The following MEGF8 variants were observed in gnomAD, a reference collection of about 807,000 sequenced individuals.
MEGF8 encodes the protein multiple EGF like domains 8, also known as multiple epidermal growth factor-like domains protein 8.
Under a neutral mutation model 302.9 loss-of-function variants are expected in MEGF8, and 156 were observed. The observed-to-expected ratio is 0.52, with a 90% CI of 0.45 to 0.59. The LOEUF is 0.59. Among genes scored for constraint, MEGF8 ranks in the 20% least tolerant of loss-of-function variants. MEGF8 has a pLI of 0.00. For missense variants in MEGF8, 3,345 were observed against 3,964.5 expected, an observed-to-expected ratio of 0.84 and a Z score of 4.20; for synonymous variants, 1,621 against 1,660.5, an observed-to-expected ratio of 0.98 and a Z score of 0.58.
intron 41 of MEGF8, among the ~76,000 whole-genome samples, chr19:42,374,393 C>T (rs1241258815): frequency 6.6e-6 from 1 of 151,432 alleles, no homozygotes; most frequent in Non-Finnish European, 1.5e-5. Flanking sequence ...ATCGCTTGAA[C>T]CCGGGAGGCA....
In MEGF8 at chr19:42,362,179, G is replaced by A. The variant is rs745553573; in HGVS notation, c.5810G>A (p.Arg1937His). The stretch of plus-strand genomic sequence containing the variant: ...CGGACCTGCAGTGAGTGCCTGGCCC[G>A]CCATCCTCGGACCCTGCAACCTGGA... ...RLRTCSECLA[R>H]HPRTLQPGDG... Residue 1937 changes from arginine to histidine, a missense_variant, in exon 33 of 42, where the codon CGC becomes CAC. Transcript: ENST00000251268. 3.4e-5 allele frequency: 54 copies of A among 1,609,772 alleles called. No homozygotes were observed. Among genetic ancestry groups the A allele is most frequent in the Admixed American group, 1.0e-4 (6 of 59,426 alleles).
Position 42,354,127 on chromosome 19 carries a change from T to G in MEGF8, c.4011+103T>G, listed in dbSNP as rs1027287740. On this transcript the variant is annotated intron_variant, in intron 22 of 41. Coordinates refer to ENST00000251268, the MANE Select transcript of MEGF8 (RefSeq NM_001271938.2). This position sits in a 1 kb window ranked among gnomAD's most constrained non-coding sequence, Gnocchi z 4.3. ...TGACCCTAGTATTGCTGTTTTTTTT[T>G]TTTTGTTTTTTTAATCCTTCAAAAC... 14 of 1,394,750 alleles carry G rather than the reference T, an allele frequency of 1.0e-5. No homozygotes were observed. Among genetic ancestry groups the G allele is most frequent in the Admixed American group, 2.8e-5 (1 of 35,748 alleles). 86.4% of individuals were successfully genotyped at this position (1,394,750 alleles called of 1,614,324 possible).
rs1420506666 is a variant in MEGF8 at position 42,378,660 on chromosome 19, C to T, written c.*1885C>T. The stretch of plus-strand genomic sequence containing the variant: ...TTTGCATCTTCCCTTCGCGTGGAGC[C>T]TCAGTGTGAGAGGCCCTAGCCAATG... On this transcript the variant is annotated 3_prime_UTR_variant, in exon 42 of 42. Coordinates refer to ENST00000251268, the MANE Select transcript of MEGF8 (RefSeq NM_001271938.2). The T allele has an allele frequency of 7.0e-6, 1 of 142,990 alleles. No individual in the cohort carries two copies. Among genetic ancestry groups the T allele is most frequent in the Non-Finnish European group, 1.6e-5 (1 of 63,472 alleles). 8.9% of individuals were successfully genotyped at this position (142,990 alleles called of 1,614,324 possible).
intron 31 of MEGF8, among the ~76,000 whole-genome samples, chr19:42,359,737 T>G (rs1412758216): frequency 6.6e-6 from 1 of 152,162 alleles, no homozygotes; most frequent in African/African-American, 2.4e-5. Flanking sequence ...TAGGCTGGAG[T>G]GCAGTGATGC....
rs1213663017 is a variant in MEGF8 at position 42,336,800 on chromosome 19, T to C, written c.1245-7T>C. ...CCTGAGCCCCTGCCCTGCTTCTCCT[T>C]CGGTAGGTTCTCTGTGCGAGTGAAC... is the stretch of plus-strand genomic sequence containing the variant. On this transcript the variant is annotated splice_polypyrimidine_tract_variant and splice_region_variant and intron_variant, in intron 6 of 41. Transcript: ENST00000251268. This position sits in a 1 kb window ranked among gnomAD's most constrained non-coding sequence, Gnocchi z 4.8. The C allele has an allele frequency of 6.3e-7, 1 of 1,574,950 alleles. No individual in the cohort carries two copies. The highest frequency in any genetic ancestry group is 1.4e-5 in the African/African-American group (1 of 73,012).
chr19:42,348,197 C>A, intron 12 of MEGF8, 75 bp from the exon 13 acceptor site: 1 of 1,351,276 alleles, frequency 7.4e-7, no homozygotes, highest in Non-Finnish European at 9.9e-7. Context: ...TTGGGTTGAC[C>A]AGTCTTTTCT....
In MEGF8 at chr19:42,354,522, C is replaced by G. The variant is rs1286000034; in HGVS notation, c.4012-66C>G. 17 of 1,545,550 alleles carry G rather than the reference C, an allele frequency of 1.1e-5. No individual in the cohort carries two copies. The highest frequency in any genetic ancestry group is 1.4e-5 in the Non-Finnish European group (16 of 1,140,598). ...GCCCTCCCCTCTTGAACCCCTCCTC[C>G]TCCCAGACCCCAGGTGTCGTTCTCA... On this transcript the variant is annotated intron_variant, in intron 22 of 41. Transcript: ENST00000251268. The surrounding 1 kb of genome is among the most constrained non-coding windows in gnomAD (Gnocchi z 4.3).
intron 1 of MEGF8, 117 bp downstream of exon 1, chr19:42,326,547 G>C (rs2038986380): frequency 4.9e-6 from 7 of 1,415,644 alleles, no homozygotes; most frequent in Non-Finnish European, 6.4e-6. Flanking sequence ...GCTCTAAAAT[G>C]CCTGACACCC....
chr19:42,364,160 T>G (rs1031095430), intron 35 of MEGF8, among the ~76,000 whole-genome samples: 1 of 152,114 alleles, frequency 6.6e-6, no homozygotes, highest in African/African-American at 2.4e-5. Flanking sequence ...TAGGCAGGCA[T>G]GTGTGTACCC....
chr19:42,362,339 A>T (rs1277449939), intron 33 of MEGF8, 45 bp from the exon 34 acceptor site: 1 of 1,612,680 alleles, frequency 6.2e-7, no homozygotes, highest in South Asian at 1.1e-5. Flanking sequence ...CAGCTGGCTC[A>T]GGAGGGGTGC....
rs555514705 is a variant in MEGF8 at position 42,369,440 on chromosome 19, T to G, written c.6642-91T>G. 9 of 1,355,760 alleles carry G rather than the reference T, an allele frequency of 6.6e-6. No homozygotes were observed. In the South Asian group the frequency reaches 1.1e-4, roughly 16 times the overall value. The allele number at this position is 1,355,760 out of a possible 1,614,324, so 84.0% of individuals were successfully genotyped here. A position where few individuals can be genotyped will look rare whatever the true frequency, so the allele number is the denominator to read the frequency against. On this transcript the variant is annotated intron_variant, in intron 37 of 41. Transcript: ENST00000251268. The surrounding 1 kb of genome is among the most constrained non-coding windows in gnomAD (Gnocchi z 5.7). ...GACAGAGCAGGGATGAGCAACCAGT[T>G]GAGAAGAGGGTGGGGTAGTTGGTTG...
At position 42,375,849 on chromosome 19, in the gene MEGF8, C is replaced by G; in HGVS notation, c.7612C>G (p.Pro2538Ala). The stretch of plus-strand genomic sequence containing the variant: ...CCCAGCCCCACCACCTCCACCACCC[C>G]CTGCAGATGGTGGGCCCCGGGGGGC... Reference protein sequence around the residue: ...PPPAPPPPPPPADGGPRGAGD... With the variant: ...PPPAPPPPPPAADGGPRGAGD... The change falls in exon 42 of 42, where the codon CCT (proline) becomes GCT (alanine). Residue 2538 changes from proline to alanine, a missense_variant. Physicochemically the swap from Pro to Ala is conservative, Grantham distance 27. Transcript: ENST00000251268. The surrounding 1 kb of genome is among the most constrained non-coding windows in gnomAD (Gnocchi z 7.1). The G allele has an allele frequency of 1.9e-6, 3 of 1,609,516 alleles. No individual in the cohort carries two copies. The highest frequency in any genetic ancestry group is 2.5e-6 in the Non-Finnish European group (3 of 1,178,474).
At position 42,376,697 on chromosome 19, in the gene MEGF8, TG is replaced by T. The variant is rs1263501237; in HGVS notation, c.8465del (p.Gly2822AlafsTer14). The T allele has an allele frequency of 4.6e-6, 7 of 1,505,622 alleles. No homozygotes were observed. Among genetic ancestry groups the T allele is most frequent in the Non-Finnish European group, 2.7e-6 (3 of 1,127,100 alleles). The allele number at this position is 1,505,622 out of a possible 1,614,324, so 93.3% of individuals were successfully genotyped here. ...AGTACTGTGGGGGTGGTGGGGGTGCTGGGGGCAGTGGGCATGGGACTGGTGC... is the reference window on the plus strand; with the variant it reads ...AGTACTGTGGGGGTGGTGGGGGTGCTGGGGCAGTGGGCATGGGACTGGTGC... ...HEYCGGGGGA[G>X]GSGHGTGAGR... On this transcript the variant is annotated frameshift_variant, in exon 42 of 42. Transcript: ENST00000251268. LOFTEE classifies it high-confidence loss of function. This position sits in a 1 kb window ranked among gnomAD's most constrained non-coding sequence, Gnocchi z 8.2.
chr19:42,359,232 C>A lies in MEGF8; in HGVS notation c.5478C>A (p.Pro1826=). The A allele has an allele frequency of 6.4e-7, 1 of 1,569,838 alleles. No individual in the cohort carries two copies. The highest frequency in any genetic ancestry group is 8.6e-7 in the Non-Finnish European group (1 of 1,157,534). ...TCAACTGCAATGCCTGGCTTCTGCC[C>A]GACCTCACCCGTAAGTCCCCATTGT... ...YQVNCNAWLL[P]DLTRSASVGP... Residue 1826 remains proline, a synonymous_variant, in exon 31 of 42, where the codon CCC becomes CCA. Coordinates refer to ENST00000251268, the MANE Select transcript of MEGF8 (RefSeq NM_001271938.2).
In MEGF8 at chr19:42,369,146, C is replaced by T; in HGVS notation, c.6641+144C>T. 8.7e-7 allele frequency: 1 copy of T among 1,155,416 alleles called. No individual in the cohort carries two copies. Among genetic ancestry groups the T allele is most frequent in the Non-Finnish European group, 1.2e-6 (1 of 837,370 alleles). The allele number at this position is 1,155,416 out of a possible 1,614,324, so 71.6% of individuals were successfully genotyped here. A position where few individuals can be genotyped will look rare whatever the true frequency, so the allele number is the denominator to read the frequency against. ...GGCAGTGGGATTGATTCCTGAAGGTCAAGAGTGGTGAGGCTGAGCAGGGAA... is the reference window on the plus strand; with the variant it reads ...GGCAGTGGGATTGATTCCTGAAGGTTAAGAGTGGTGAGGCTGAGCAGGGAA... On this transcript the variant is annotated intron_variant, in intron 37 of 41. Coordinates refer to ENST00000251268, the MANE Select transcript of MEGF8 (RefSeq NM_001271938.2). The surrounding 1 kb of genome is among the most constrained non-coding windows in gnomAD (Gnocchi z 5.7).
chr19:42,349,733 G>A (rs373861273), intron 14 of MEGF8, 34 bp downstream of exon 14: 36 of 1,591,580 alleles, frequency 2.3e-5, no homozygotes, highest in East Asian at 1.3e-4. Flanking sequence ...AACCCTAGCC[G>A]CAGGCCCCAG....
intron 15 of MEGF8, 53 bp downstream of exon 15, chr19:42,350,437 C>T (rs1326105791): frequency 7.0e-7 from 1 of 1,421,274 alleles, no homozygotes; most frequent in Non-Finnish European, 9.3e-7. Context: ...CCACAGCAGG[C>T]AATGGGCAGT....
At chr19:42,332,830 A>G (rs2039072705) in intron 1 of MEGF8, among the ~76,000 whole-genome samples, 1 of 152,158 alleles carries the variant, frequency 6.6e-6, no homozygotes, top group Non-Finnish European at 1.5e-5. Context: ...CAGATACGAG[A>G]GGCAGGGAAT....
Position 42,358,386 on chromosome 19 carries a change from C to A in MEGF8, c.5175+79C>A. The A allele has an allele frequency of 6.9e-7, 1 of 1,456,394 alleles. No homozygotes were observed. Among genetic ancestry groups the A allele is most frequent in the Non-Finnish European group, 9.2e-7 (1 of 1,090,372 alleles). The allele number at this position is 1,456,394 out of a possible 1,614,324, so 90.2% of individuals were successfully genotyped here. ...TCTTTCCCAGTGCCCCAGGGACTGG[C>A]TCCATCCCAGATTCCTGCTTCCCCT... On this transcript the variant is annotated intron_variant, in intron 29 of 41. Transcript: ENST00000251268. The surrounding 1 kb of genome is among the most constrained non-coding windows in gnomAD (Gnocchi z 4.4).
Sources: allele counts gnomAD v4.1 joint callset (sites outside exome capture counted in the v4.1 genomes callset), GRCh38; gene constraint gnomAD v4.1.1; non-coding constraint Gnocchi (gnomAD v3.1); transcripts MANE v1.5; gene names NCBI Gene and HGNC (gene_info 2026-07-23, HGNC 2026-07-21).